The following PPARG variants were observed in gnomAD, a reference collection of about 807,000 sequenced individuals.
The protein encoded by PPARG is peroxisome proliferator activated receptor gamma, also known as peroxisome proliferator-activated receptor gamma.
Under a neutral mutation model 39.2 loss-of-function variants are expected in PPARG, and 17 were observed. The observed-to-expected ratio is 0.43, with a 90% CI of 0.30 to 0.65. The LOEUF (loss-of-function observed/expected upper bound fraction) is 0.65. Ranked by LOEUF, PPARG falls within the 30% of genes least tolerant of loss-of-function variation. The pLI, the probability that PPARG is intolerant of heterozygous loss-of-function variation, is 0.13. For synonymous variants in PPARG, 223 were observed against 215.7 expected (o/e 1.03, Z -0.30); for missense variants, 406 against 585.9 (o/e 0.69, Z 3.17).
At chr3:12,357,875 A>G (rs2048718375) in intron 2 of PPARG, among the ~76,000 whole-genome samples, 1 of 152,232 alleles carries the variant, frequency 6.6e-6, no homozygotes, top group African/African-American at 2.4e-5. Context: ...GAAAAGATCC[A>G]TGTTTTATTC....
At chr3:12,349,691 T>C (rs1379980503) in intron 2 of PPARG, among the ~76,000 whole-genome samples, 4 of 152,194 alleles carry the variant, frequency 2.6e-5, no homozygotes, top group Admixed American at 2.6e-4. Flanking sequence ...TGAAATGTAA[T>C]GAGTAAGACA....
intron 4 of PPARG, among the ~76,000 whole-genome samples, chr3:12,385,549 A>AT (rs1186844097): frequency 6.6e-6 from 1 of 152,036 alleles, no homozygotes; most frequent in South Asian, 2.1e-4. Flanking sequence ...TTGGAGATAT[A>AT]TTTTTTTCTT....
chr3:12,381,647 A>G (rs559238043), intron 4 of PPARG, among the ~76,000 whole-genome samples, 156 bp downstream of exon 4: 1 of 152,216 alleles, frequency 6.6e-6, no homozygotes, highest in East Asian at 1.9e-4. Flanking sequence ...GTGCTATCCT[A>G]GCACACTGCA....
At chr3:12,393,579 A>G (rs888012461) in intron 5 of PPARG, among the ~76,000 whole-genome samples, 4 of 152,156 alleles carry the variant, frequency 2.6e-5, no homozygotes, top group Admixed American at 6.6e-5. Flanking sequence ...TGATAGTATT[A>G]TATGTGTCTA....
Position 12,405,798 on chromosome 3 carries a change from G to T in PPARG, c.530-84G>T, listed in dbSNP as rs557422724. 3.6e-6 allele frequency: 5 copies of T among 1,404,954 alleles called. No individual in the cohort carries two copies. In the African/African-American group the frequency reaches 4.2e-5, roughly 12 times the overall value. 87.0% of individuals were successfully genotyped at this position (1,404,954 alleles called of 1,614,324 possible). ...TGGAGGAGGAGGGCTTCTACTGTGT[G>T]GGAACGAGGGCTGGGAGAGCACAGT... On this transcript the variant is annotated intron_variant, in intron 5 of 7. Transcript: ENST00000651735.
intron 1 of PPARG, among the ~76,000 whole-genome samples, chr3:12,307,315 G>A (rs967731678): frequency 2.6e-5 from 4 of 152,004 alleles, no homozygotes; most frequent in Non-Finnish European, 4.4e-5. Flanking sequence ...GTCAGCTATG[G>A]TGGGGTTAGG....
At position 12,368,202 on chromosome 3, in the gene PPARG, G is replaced by A. The variant is rs562119424; in HGVS notation, c.-8-11502G>A. On this transcript the variant is annotated intron_variant, in intron 2 of 7. Coordinates refer to ENST00000651735, the MANE Select transcript of PPARG (RefSeq NM_138711.6). The stretch of plus-strand genomic sequence containing the variant: ...CTTTTTCTTTTTTGTTTTTTTTTCA[G>A]ACAGTGTCTCTCTCTGTTGCCCAGG... 3.3e-3 allele frequency among the ~76,000 whole-genome samples: 233 copies of A among 71,474 alleles called. 2 individuals are homozygous for A. The highest frequency in any genetic ancestry group is 5.4e-3 in the Non-Finnish European group (162 of 29,730). The allele number at this position is 71,474 out of a possible 152,430, so 46.9% of individuals were successfully genotyped here. A position where few individuals can be genotyped will look rare whatever the true frequency, so the allele number is the denominator to read the frequency against.
At chr3:12,293,044 TTAA>T (rs1470567894) in intron 1 of PPARG, among the ~76,000 whole-genome samples, 3 of 152,246 alleles carry the variant, frequency 2.0e-5, no homozygotes, top group Non-Finnish European at 4.4e-5. Flanking sequence ...TTCCACTGCC[TTAA>T]TCCTACAGCG....
intron 1 of PPARG, among the ~76,000 whole-genome samples, chr3:12,300,210 A>G (rs770401862): frequency 9.9e-5 from 15 of 152,194 alleles, no homozygotes; most frequent in Non-Finnish European, 2.1e-4. Flanking sequence ...ACCAGAGTTA[A>G]TTTGTTTGGT....
intron 2 of PPARG, among the ~76,000 whole-genome samples, chr3:12,360,975 C>T (rs1373641): frequency 0.72 from 109,171 of 152,012 alleles, 39,613 homozygotes; most frequent in East Asian, 0.87. Context: ...CTTCAGGAGA[C>T]GTTGCCAACA....
intron 6 of PPARG, 160 bp downstream of exon 6, chr3:12,406,241 T>G: frequency 1.3e-6 from 1 of 750,322 alleles, no homozygotes; most frequent in Non-Finnish European, 2.3e-6. Context: ...ACGCAGGAAG[T>G]GTTTTCAGAT....
At chr3:12,287,789 G>C (rs1447395400), upstream of PPARG, 1 of 79,312 alleles carries the variant, frequency 1.3e-5, no homozygotes, top group African/African-American at 4.7e-5. Flanking sequence ...GTCGCGCGCC[G>C]CCGCCCCCGC....
At chr3:12,306,811 G>A (rs749675215) in intron 1 of PPARG, among the ~76,000 whole-genome samples, 7 of 152,078 alleles carry the variant, frequency 4.6e-5, no homozygotes, top group African/African-American at 7.2e-5. Flanking sequence ...GAAATCAACC[G>A]CTGGGCCGGG....
chr3:12,432,488 G>A (rs2125320702), intron 7 of PPARG, among the ~76,000 whole-genome samples: 1 of 152,302 alleles, frequency 6.6e-6, no homozygotes, highest in South Asian at 2.1e-4. Context: ...CCCCTGGAAA[G>A]CCAGGAGTAA....
intron 7 of PPARG, among the ~76,000 whole-genome samples, chr3:12,420,902 C>G (rs2051237983): frequency 6.6e-6 from 1 of 152,244 alleles, no homozygotes; most frequent in South Asian, 2.1e-4. Flanking sequence ...TTTCTCCTCT[C>G]TCTCTTTCTC....
At chr3:12,359,487 C>T (rs569903092) in intron 2 of PPARG, among the ~76,000 whole-genome samples, 19 of 152,088 alleles carry the variant, frequency 1.2e-4, no homozygotes, top group Admixed American at 3.9e-4. Flanking sequence ...AAAGACTACT[C>T]AGCTGATCCA....
chr3:12,361,708 T>G (rs1028349412), intron 2 of PPARG, among the ~76,000 whole-genome samples: 2 of 152,254 alleles, frequency 1.3e-5, no homozygotes, highest in Non-Finnish European at 2.9e-5. Flanking sequence ...TTTGCACCAA[T>G]TAAGATTGCC....
intron 1 of PPARG, among the ~76,000 whole-genome samples, chr3:12,308,903 G>A (rs2047150963): frequency 6.6e-6 from 1 of 152,194 alleles, no homozygotes; most frequent in African/African-American, 2.4e-5. Context: ...AGTAAAGTGG[G>A]TTGAGGAGTG....
chr3:12,397,707 G>A (rs1307018065), intron 5 of PPARG, among the ~76,000 whole-genome samples: 1 of 151,998 alleles, frequency 6.6e-6, no homozygotes, highest in Non-Finnish European at 1.5e-5. Context: ...ACCGCGTCTG[G>A]CTAACCTATT....
Sources: allele counts gnomAD v4.1 joint callset (sites outside exome capture counted in the v4.1 genomes callset), GRCh38; gene constraint gnomAD v4.1.1; transcripts MANE v1.5; gene names NCBI Gene and HGNC (gene_info 2026-07-23, HGNC 2026-07-21).